Variants in SPAG16 observed in about 807,000 individuals in gnomAD.
SPAG16 encodes sperm associated antigen 16.
Under a neutral mutation model 80.4 loss-of-function variants are expected in SPAG16, and 86 were observed. That is an observed-to-expected ratio of 1.07 (90% CI 0.90 to 1.28). The LOEUF (loss-of-function observed/expected upper bound fraction) is 1.28, where lower values mean the gene tolerates loss of function less well. Among genes scored for constraint, SPAG16 ranks in the 50% most tolerant of loss-of-function variants. SPAG16 has a pLI of 0.00. For missense variants in SPAG16, 870 were observed against 765.3 expected, an observed-to-expected ratio of 1.14 and a Z score of -1.61; for synonymous variants, 294 against 265.9, an observed-to-expected ratio of 1.11 and a Z score of -1.03.
At chr2:214,215,985 C>T (rs1000396266) in intron 15 of SPAG16, among the ~76,000 whole-genome samples, 2 of 152,140 alleles carry the variant, frequency 1.3e-5, no homozygotes, top group Non-Finnish European at 2.9e-5. Flanking sequence ...GATAGATACC[C>T]ATTGCAAAAA....
chr2:214,225,664 T>C (rs1281933151), intron 15 of SPAG16, among the ~76,000 whole-genome samples: 1 of 152,098 alleles, frequency 6.6e-6, no homozygotes, highest in Non-Finnish European at 1.5e-5. Flanking sequence ...ACATCAAACA[T>C]CAAAAAGGAG....
chr2:213,974,303 C>G (rs565583208), intron 12 of SPAG16, among the ~76,000 whole-genome samples: 2 of 152,028 alleles, frequency 1.3e-5, no homozygotes, highest in South Asian at 4.1e-4. Flanking sequence ...ATTGAGCCTA[C>G]AAAATGTATA....
At chr2:214,383,995 G>A (rs1700608312) in intron 15 of SPAG16, among the ~76,000 whole-genome samples, 1 of 152,110 alleles carries the variant, frequency 6.6e-6, no homozygotes, top group Non-Finnish European at 1.5e-5. Flanking sequence ...TTTTACTCCA[G>A]GTGATTAATA....
chr2:213,682,711 G>T (rs976260679), intron 10 of SPAG16, among the ~76,000 whole-genome samples: 1 of 152,090 alleles, frequency 6.6e-6, no homozygotes, highest in Non-Finnish European at 1.5e-5. Context: ...CTCAGGGCTG[G>T]CATGTTTCTG....
chr2:213,459,209 G>A (rs2072218323), intron 9 of SPAG16, among the ~76,000 whole-genome samples: 1 of 152,060 alleles, frequency 6.6e-6, no homozygotes, highest in Admixed American at 6.5e-5. Context: ...CATTCTTGTT[G>A]GTGAGTTTCT....
At chr2:213,991,142 A>C (rs551039274) in intron 12 of SPAG16, among the ~76,000 whole-genome samples, 13 of 152,002 alleles carry the variant, frequency 8.6e-5, no homozygotes, top group African/African-American at 2.9e-4. Flanking sequence ...TCCTAATGCT[A>C]TCTCTCCCCT....
At chr2:213,333,682 A>C (rs570125817) in intron 5 of SPAG16, among the ~76,000 whole-genome samples, 2 of 152,140 alleles carry the variant, frequency 1.3e-5, no homozygotes, top group Non-Finnish European at 2.9e-5. Flanking sequence ...AGAATAGAGA[A>C]CCAGAAACAA....
chr2:213,522,158 C>T (rs576699506), intron 10 of SPAG16, among the ~76,000 whole-genome samples: 6 of 152,256 alleles, frequency 3.9e-5, no homozygotes, highest in Middle Eastern at 3.4e-3. Flanking sequence ...CAGAAAAGAA[C>T]AAAGAAATTG....
intron 7 of SPAG16, among the ~76,000 whole-genome samples, chr2:213,350,913 C>T (rs535848824): frequency 5.3e-5 from 8 of 151,266 alleles, no homozygotes; most frequent in African/African-American, 1.9e-4. Flanking sequence ...CATTTGCGGC[C>T]AGGAGTTTGA....
intron 15 of SPAG16, among the ~76,000 whole-genome samples, chr2:214,152,342 A>G (rs964688934): frequency 6.6e-6 from 1 of 152,172 alleles, no homozygotes; most frequent in African/African-American, 2.4e-5. Context: ...AGGTGAAGAA[A>G]AAGAATATAG....
chr2:214,270,059 T>C (rs1691881950), intron 15 of SPAG16, among the ~76,000 whole-genome samples: 2 of 152,170 alleles, frequency 1.3e-5, no homozygotes, highest in Non-Finnish European at 2.9e-5. Flanking sequence ...CCTATTGGAG[T>C]CTTAATTCCT....
chr2:213,910,133 T>C (rs1042108807), intron 11 of SPAG16, among the ~76,000 whole-genome samples: 2 of 152,214 alleles, frequency 1.3e-5, no homozygotes, highest in Non-Finnish European at 2.9e-5. Context: ...AATTAATACA[T>C]ACATATTCTA....
chr2:214,187,181 T>C (rs1296775930), intron 15 of SPAG16, among the ~76,000 whole-genome samples: 1 of 151,944 alleles, frequency 6.6e-6, no homozygotes, highest in Admixed American at 6.6e-5. Context: ...ATACGTTAAG[T>C]GTAAGTACAT....
intron 5 of SPAG16, among the ~76,000 whole-genome samples, chr2:213,323,305 G>T (rs1292614825): frequency 2.0e-5 from 3 of 152,294 alleles, no homozygotes; most frequent in South Asian, 2.1e-4. Flanking sequence ...GCCGGGCATG[G>T]TGGTGGGTGT....
chr2:213,284,807 T>C, intron 1 of SPAG16, 188 bp downstream of exon 1: 1 of 831,508 alleles, frequency 1.2e-6, no homozygotes, highest in Non-Finnish European at 1.8e-6. Context: ...TTTCTCGCCC[T>C]TAGTAGCCCA....
At chr2:213,853,653 G>A (rs934220223) in intron 10 of SPAG16, among the ~76,000 whole-genome samples, 2 of 152,162 alleles carry the variant, frequency 1.3e-5, no homozygotes, top group Non-Finnish European at 2.9e-5. Context: ...TAGGAATGTT[G>A]TGACAGAGCC....
chr2:213,612,878 G>T (rs532638307), intron 10 of SPAG16, among the ~76,000 whole-genome samples: 52 of 151,998 alleles, frequency 3.4e-4, no homozygotes, highest in African/African-American at 1.2e-3. Context: ...GAGATGTGTT[G>T]GTCAGGCTGG....
At chr2:214,382,994 C>G (rs1404798971) in intron 15 of SPAG16, among the ~76,000 whole-genome samples, 4 of 152,042 alleles carry the variant, frequency 2.6e-5, no homozygotes, top group Non-Finnish European at 4.4e-5. Context: ...CTTTCATGCC[C>G]CTGCCTCACT....
intron 9 of SPAG16, among the ~76,000 whole-genome samples, chr2:213,388,515 G>C (rs1453173732): frequency 6.6e-6 from 1 of 152,106 alleles, no homozygotes; most frequent in Non-Finnish European, 1.5e-5. Flanking sequence ...GAAAAGTCCT[G>C]AGAAAACAGT....
Sources: gnomAD v4.1 joint callset for allele counts (sites outside exome capture counted in the v4.1 genomes callset) on GRCh38, gnomAD v4.1.1 for gene constraint, MANE v1.5 for transcripts, NCBI Gene and HGNC (gene_info 2026-07-23, HGNC 2026-07-21) for gene names.